PLXNA2: variants seen among roughly 807,000 people sequenced by gnomAD.
PLXNA2 encodes the protein plexin-A2.
Under a neutral mutation model 193.5 loss-of-function variants are expected in PLXNA2, and 91 were observed. The observed-to-expected ratio is 0.47, with a 90% confidence interval of 0.40 to 0.56. The LOEUF (loss-of-function observed/expected upper bound fraction) is 0.56, where lower values mean the gene tolerates loss of function less well. Among genes scored for constraint, PLXNA2 ranks in the 20% least tolerant of loss-of-function variants. The pLI is 0.00. For synonymous variants in PLXNA2, 997 were observed against 1,027.3 expected, an observed-to-expected ratio of 0.97 and a Z score of 0.56; for missense variants, 1,995 against 2,503.2, an observed-to-expected ratio of 0.80 and a Z score of 4.33.
chr1:208,142,200 C>G, intron 4 of PLXNA2, 129 bp downstream of exon 4: 2 of 1,015,674 alleles, frequency 2.0e-6, no homozygotes, highest in Non-Finnish European at 2.7e-6. Flanking sequence ...GGCACTCTGC[C>G]TCTCTCAAGA....
Position 208,051,120 on chromosome 1 carries a change from CT to C in PLXNA2, c.3162-19del. 6.2e-7 allele frequency: 1 copy of C among 1,609,820 alleles called. No homozygotes were observed. The highest frequency in any genetic ancestry group is 2.2e-5 in the East Asian group (1 of 44,866). On this transcript the variant is annotated intron_variant, in intron 16 of 31. Coordinates refer to ENST00000367033, the MANE Select transcript of PLXNA2 (RefSeq NM_025179.4). ...TGTGGCCACTGAAAACAGGCAGAGGCTCGGTTAGGTAAAAAACCCCCTCAAA... is the reference window on the plus strand; with the variant it reads ...TGTGGCCACTGAAAACAGGCAGAGGCCGGTTAGGTAAAAAACCCCCTCAAA...
intron 13 of PLXNA2, among the ~76,000 whole-genome samples, chr1:208,056,149 G>C (rs1465365131): frequency 2.6e-5 from 4 of 152,190 alleles, no homozygotes. Flanking sequence ...CCTGTTTCCC[G>C]GACCCTGGCA....
chr1:208,228,177 T>G (rs1671570337), intron 1 of PLXNA2, among the ~76,000 whole-genome samples: 1 of 152,178 alleles, frequency 6.6e-6, no homozygotes, highest in Non-Finnish European at 1.5e-5. Context: ...TGCTTTCTTT[T>G]GCAGACCTTC....
At chr1:208,103,436 G>A (rs540839473) in intron 4 of PLXNA2, among the ~76,000 whole-genome samples, 189 bp from the exon 5 acceptor site, 1 of 152,366 alleles carries the variant, frequency 6.6e-6, no homozygotes, top group South Asian at 2.1e-4. Flanking sequence ...TAAGCCGAGT[G>A]TGTCTCTGAG....
chr1:208,195,735 G>C (rs1670337998), intron 3 of PLXNA2, among the ~76,000 whole-genome samples: 1 of 152,052 alleles, frequency 6.6e-6, no homozygotes, highest in African/African-American at 2.4e-5. Context: ...TGCAGCCCAG[G>C]GGTGTCTGCT....
chr1:208,180,086 T>C (rs1669790763), intron 3 of PLXNA2, among the ~76,000 whole-genome samples: 1 of 151,750 alleles, frequency 6.6e-6, no homozygotes. Flanking sequence ...TGTCATCACA[T>C]GCAGTGACTT....
chr1:208,029,262 C>T, intron 29 of PLXNA2: 2 of 1,371,866 alleles, frequency 1.5e-6, no homozygotes, highest in Non-Finnish European at 1.9e-6. Flanking sequence ...GGGGCACTGA[C>T]CCTGATCTCT....
chr1:208,076,167 A>T (rs539273906), intron 12 of PLXNA2, among the ~76,000 whole-genome samples: 7 of 152,022 alleles, frequency 4.6e-5, no homozygotes, highest in Non-Finnish European at 7.4e-5. Context: ...TTCTGGAATC[A>T]AGTGATCCTC....
intron 12 of PLXNA2, among the ~76,000 whole-genome samples, chr1:208,078,544 C>A (rs571073035): frequency 1.3e-5 from 2 of 152,104 alleles, no homozygotes; most frequent in African/African-American, 4.8e-5. Context: ...CAGGAAAGTG[C>A]AGTTAGTTTC....
intron 12 of PLXNA2, among the ~76,000 whole-genome samples, chr1:208,067,299 G>A (rs975033214): frequency 4.1e-5 from 6 of 148,114 alleles, no homozygotes; most frequent in Non-Finnish European, 7.4e-5. Flanking sequence ...AGCCGAGATC[G>A]CACCATTGCA....
chr1:208,241,370 C>T (rs1383235554), intron 1 of PLXNA2, among the ~76,000 whole-genome samples: 2 of 152,194 alleles, frequency 1.3e-5, no homozygotes, highest in Non-Finnish European at 2.9e-5. Flanking sequence ...GGTATTCAGA[C>T]TAGCTCTGAA....
At position 208,024,348 on chromosome 1, in the gene PLXNA2, G is replaced by A. The variant is rs970383302; in HGVS notation, c.*2895C>T. On this transcript the variant is annotated 3_prime_UTR_variant, in exon 32 of 32. Transcript: ENST00000367033. ...CTCTTTTTCTCATCCAAAGGGTGTG[G>A]ACTTCATTGGTTCTTGGTGGCCCAA... 6 of 152,282 alleles carry A rather than the reference G, an allele frequency of 3.9e-5. No individual in the cohort carries two copies. The highest frequency in any genetic ancestry group is 6.6e-5 in the Admixed American group (1 of 15,266). 9.4% of individuals were successfully genotyped at this position (152,282 alleles called of 1,614,324 possible). A position where few individuals can be genotyped will look rare whatever the true frequency, so the allele number is the denominator to read the frequency against.
chr1:208,126,259 A>G, intron 4 of PLXNA2, among the ~76,000 whole-genome samples: 1 of 152,112 alleles, frequency 6.6e-6, no homozygotes, highest in East Asian at 1.9e-4. Flanking sequence ...CTGGGAAGCA[A>G]CCTTGACCCC....
At chr1:208,195,464 C>T (rs940769793) in intron 3 of PLXNA2, among the ~76,000 whole-genome samples, 1 of 152,160 alleles carries the variant, frequency 6.6e-6, no homozygotes, top group Non-Finnish European at 1.5e-5. Flanking sequence ...GCTTATCCCA[C>T]CCCCTACTTT....
intron 3 of PLXNA2, among the ~76,000 whole-genome samples, chr1:208,144,304 C>CAGCA (rs1158756403): frequency 6.6e-6 from 1 of 152,186 alleles, no homozygotes; most frequent in African/African-American, 2.4e-5. Context: ...GGAAGGTCAA[C>CAGCA]AGCACTATTG....
intron 12 of PLXNA2, among the ~76,000 whole-genome samples, chr1:208,066,226 A>G (rs759497020): frequency 6.6e-6 from 1 of 152,186 alleles, no homozygotes; most frequent in Non-Finnish European, 1.5e-5. Flanking sequence ...CAGAAGTGAG[A>G]GCTAGAAGGA....
intron 11 of PLXNA2, among the ~76,000 whole-genome samples, chr1:208,080,043 C>T (rs1396509931): frequency 1.3e-5 from 2 of 152,014 alleles, no homozygotes; most frequent in Non-Finnish European, 2.9e-5. Context: ...AATTAGTGAC[C>T]CAAACTGGAA....
intron 1 of PLXNA2, among the ~76,000 whole-genome samples, chr1:208,234,251 T>A (rs541539277): frequency 1.2e-4 from 18 of 152,288 alleles, no homozygotes; most frequent in African/African-American, 4.3e-4. Flanking sequence ...ACATCCACTG[T>A]GTGGGCCCGG....
In PLXNA2 at chr1:208,073,599, G is replaced by A. The variant is rs548170940; in HGVS notation, c.2586+5661C>T. Reference sequence around the variant, plus strand: ...GGCATCTCCCCCCTCTGATCAGAATGCTCACTCTTATGGTTTGACTCTTGT... The same window carrying A: ...GGCATCTCCCCCCTCTGATCAGAATACTCACTCTTATGGTTTGACTCTTGT... On this transcript the variant is annotated intron_variant, in intron 12 of 31. Coordinates refer to ENST00000367033, the MANE Select transcript of PLXNA2 (RefSeq NM_025179.4). Among the ~76,000 whole-genome samples the A allele has an allele frequency of 6.2e-4, 95 of 152,278 alleles. No homozygotes were observed. The Middle Eastern group carries it at 0.01, about 16-fold the overall frequency.
Sources: gnomAD v4.1 joint callset for allele counts (sites outside exome capture counted in the v4.1 genomes callset) on GRCh38, gnomAD v4.1.1 for gene constraint, MANE v1.5 for transcripts, NCBI Gene and HGNC (gene_info 2026-07-23, HGNC 2026-07-21) for gene names.